The following UNC13C variants were observed in gnomAD, a reference collection of about 807,000 sequenced individuals.
UNC13C encodes protein unc-13 homolog C.
UNC13C carries 174 observed loss-of-function variants against 245.4 expected under a neutral mutation model. That is an observed-to-expected ratio of 0.71 (90% CI 0.63 to 0.80). UNC13C has a LOEUF of 0.80. Among genes scored for constraint, UNC13C ranks in the 30% least tolerant of loss-of-function variants. The pLI is 0.00. For missense variants in UNC13C, 2,829 were observed against 2,602.9 expected, an observed-to-expected ratio of 1.09 and a Z score of -1.89; for synonymous variants, 992 against 895.1, an observed-to-expected ratio of 1.11 and a Z score of -1.93.
intron 1 of UNC13C, among the ~76,000 whole-genome samples, chr15:54,004,193 T>C (rs1895035939): frequency 6.6e-6 from 1 of 152,148 alleles, no homozygotes; most frequent in Non-Finnish European, 1.5e-5. Context: ...TAACCATCCT[T>C]CTACTTTCTA....
intron 10 of UNC13C, among the ~76,000 whole-genome samples, chr15:54,281,429 T>C (rs976465907): frequency 6.6e-6 from 1 of 152,206 alleles, no homozygotes; most frequent in African/African-American, 2.4e-5. Context: ...GAACCAAAGA[T>C]ATACTTAAAG....
intron 2 of UNC13C, among the ~76,000 whole-genome samples, chr15:54,039,761 TC>T (rs1391193385): frequency 2.0e-5 from 3 of 152,132 alleles, no homozygotes; most frequent in African/African-American, 7.2e-5. Flanking sequence ...TGTAACTGTT[TC>T]CTTGACTGCT....
intron 10 of UNC13C, among the ~76,000 whole-genome samples, chr15:54,280,448 A>G (rs2036946614): frequency 6.6e-6 from 1 of 151,416 alleles, no homozygotes; most frequent in Admixed American, 6.6e-5. Context: ...CTAAATAATA[A>G]CTTTCTATTA....
intron 17 of UNC13C, among the ~76,000 whole-genome samples, chr15:54,355,647 A>G (rs28542025): frequency 0.47 from 71,185 of 151,890 alleles, 17,043 homozygotes; most frequent in East Asian, 0.74. Flanking sequence ...TGTGAGCCAC[A>G]GCACCCAGCC....
At chr15:54,318,602 G>C (rs2038069493) in intron 13 of UNC13C, among the ~76,000 whole-genome samples, 1 of 151,796 alleles carries the variant, frequency 6.6e-6, no homozygotes, top group South Asian at 2.1e-4. Context: ...AGTTATTCAA[G>C]GTTCTTATAT....
intron 19 of UNC13C, among the ~76,000 whole-genome samples, chr15:54,458,598 T>C (rs1891661076): frequency 6.6e-6 from 1 of 151,894 alleles, no homozygotes; most frequent in Non-Finnish European, 1.5e-5. Flanking sequence ...ATATTTAGAA[T>C]TGTGATATTT....
intron 17 of UNC13C, among the ~76,000 whole-genome samples, chr15:54,365,571 T>C (rs1490104893): frequency 1.1e-4 from 17 of 152,116 alleles, no homozygotes; most frequent in Non-Finnish European, 4.4e-5. Context: ...ATTCATAAGA[T>C]ATCTTTTGTA....
At chr15:54,331,023 C>G (rs1460773040) in intron 14 of UNC13C, among the ~76,000 whole-genome samples, 1 of 152,018 alleles carries the variant, frequency 6.6e-6, no homozygotes, top group East Asian at 1.9e-4. Context: ...TTGTCACCTC[C>G]TGTTAATATT....
At chr15:54,544,223 G>T (rs971770089) in intron 26 of UNC13C, among the ~76,000 whole-genome samples, 11 of 152,038 alleles carry the variant, frequency 7.2e-5, no homozygotes, top group Non-Finnish European at 1.6e-4. Flanking sequence ...ATGCAGAAAA[G>T]GCCTTTGATA....
At chr15:54,601,038 T>A (rs1320234269) in intron 30 of UNC13C, among the ~76,000 whole-genome samples, 1 of 150,650 alleles carries the variant, frequency 6.6e-6, no homozygotes, top group Non-Finnish European at 1.5e-5. Flanking sequence ...TTTACAAATT[T>A]GAGTTAGGCT....
intron 19 of UNC13C, among the ~76,000 whole-genome samples, chr15:54,416,078 TA>T (rs2040514416): frequency 1.3e-5 from 2 of 152,072 alleles, no homozygotes; most frequent in African/African-American, 4.8e-5. Flanking sequence ...TAGCAAGAAG[TA>T]AGACAGGAGA....
chr15:54,489,813 A>C (rs1298782283), intron 19 of UNC13C, among the ~76,000 whole-genome samples: 1 of 152,236 alleles, frequency 6.6e-6, no homozygotes, highest in Admixed American at 6.5e-5. Context: ...ACTTAAGGGC[A>C]AACATCACAG....
intron 17 of UNC13C, among the ~76,000 whole-genome samples, chr15:54,341,353 GA>G (rs2038724748): frequency 6.6e-6 from 1 of 152,088 alleles, no homozygotes; most frequent in Non-Finnish European, 1.5e-5. Flanking sequence ...AATAACGCAG[GA>G]AAGGAAAACT....
intron 19 of UNC13C, among the ~76,000 whole-genome samples, chr15:54,424,966 T>A (rs1225216198): frequency 6.6e-6 from 1 of 151,862 alleles, no homozygotes; most frequent in Non-Finnish European, 1.5e-5. Context: ...TCTTTAAGAA[T>A]GCTCCAAAAT....
At chr15:54,115,111 A>G (rs1293545352) in intron 2 of UNC13C, among the ~76,000 whole-genome samples, 1 of 151,906 alleles carries the variant, frequency 6.6e-6, no homozygotes, top group East Asian at 1.9e-4. Context: ...TTTATGATAT[A>G]TTTTTACTTG....
intron 31 of UNC13C, 103 bp from the exon 32 acceptor site, chr15:54,623,692 T>C: frequency 9.8e-7 from 1 of 1,015,352 alleles, no homozygotes; most frequent in Middle Eastern, 2.3e-4. Flanking sequence ...TCAGTGGAGT[T>C]AGGGCACTAT....
chr15:54,627,832 T>C lies in UNC13C; in HGVS notation c.*719T>C, dbSNP rs919317211. On this transcript the variant is annotated 3_prime_UTR_variant, in exon 33 of 33. Transcript: ENST00000260323. Reference sequence around the variant, plus strand: ...ATGGTAAGTTAATGCATTTGTCATATAGTGTTATGTCTTGGCTTTACCATA... The same window carrying C: ...ATGGTAAGTTAATGCATTTGTCATACAGTGTTATGTCTTGGCTTTACCATA... 3.3e-5 allele frequency: 5 copies of C among 152,604 alleles called. No individual in the cohort carries two copies. Among genetic ancestry groups the C allele is most frequent in the African/African-American group, 4.8e-5 (2 of 41,460 alleles). 9.5% of individuals were successfully genotyped at this position (152,604 alleles called of 1,614,324 possible).
intron 24 of UNC13C, among the ~76,000 whole-genome samples, chr15:54,524,674 A>T (rs1278393163): frequency 2.0e-5 from 3 of 152,106 alleles, no homozygotes; most frequent in Admixed American, 2.0e-4. Flanking sequence ...CCAGGAGTTT[A>T]AACTGATATT....
the UNC13C span, among the ~76,000 whole-genome samples, chr15:53,850,855 G>C: frequency 6.6e-5 from 10 of 150,770 alleles, 1 homozygote; most frequent in African/African-American, 2.4e-4. Context: ...TTGAGGCTCT[G>C]GTCATTTTTT....
Sources: allele counts gnomAD v4.1 joint callset (sites outside exome capture counted in the v4.1 genomes callset), GRCh38; gene constraint gnomAD v4.1.1; transcripts MANE v1.5; gene names NCBI Gene and HGNC (gene_info 2026-07-23, HGNC 2026-07-21).